FOXN4: variants seen among roughly 807,000 people sequenced by gnomAD.
FOXN4 encodes the protein forkhead box N4.
FOXN4 carries 12 observed loss-of-function variants against 45.0 expected under a neutral mutation model. The ratio of observed to expected loss-of-function variants is 0.27; its 90% CI spans 0.17 to 0.43. The LOEUF (loss-of-function observed/expected upper bound fraction) is 0.43, where lower values mean the gene tolerates loss of function less well. Ranked by LOEUF, FOXN4 falls within the 20% of genes least tolerant of loss-of-function variation. FOXN4 has a pLI of 1.00. For missense variants in FOXN4, 560 were observed against 694.9 expected, an observed-to-expected ratio of 0.81 and a Z score of 2.18; for synonymous variants, 297 against 295.0, an observed-to-expected ratio of 1.01 and a Z score of -0.07.
chr12:109,300,165 G>A (rs965526292), intron 2 of FOXN4, among the ~76,000 whole-genome samples: 1 of 152,204 alleles, frequency 6.6e-6, no homozygotes, highest in African/African-American at 2.4e-5. Flanking sequence ...TGGAGAAGTA[G>A]ACCCCGTGAA....
intron 2 of FOXN4, among the ~76,000 whole-genome samples, chr12:109,307,344 A>T (rs2047930417): frequency 6.6e-6 from 1 of 152,130 alleles, no homozygotes; most frequent in African/African-American, 2.4e-5. Flanking sequence ...GTGCCCCCTC[A>T]GCCTACAGAC....
chr12:109,288,135 C>T lies in FOXN4; in HGVS notation c.278G>A (p.Ser93Asn). ...VADLHVGATP[S>N]PLLHGPAGMA... is the part of the protein sequence containing the mutation. ...GCCTGCTGGGCCATGGAGAAGGGGA[C>T]TTGGAGTGGCTCCCACATGCAGGTC... is the stretch of plus-strand genomic sequence containing the variant. The change falls in exon 4 of 10, where the codon AGT becomes AAT. Residue 93 changes from serine (S) to asparagine (N), a missense_variant. By Grantham distance (46) the Ser-to-Asn change is conservative (BLOSUM62 1). Coordinates refer to ENST00000299162, the MANE Select transcript of FOXN4 (RefSeq NM_213596.3). The surrounding 1 kb of genome is among the most constrained non-coding windows in gnomAD (Gnocchi z 4.3). 1.3e-6 allele frequency: 2 copies of T among 1,546,398 alleles called. No homozygotes were observed. Among genetic ancestry groups the T allele is most frequent in the South Asian group, 1.2e-5 (1 of 83,492 alleles).
chr12:109,293,107 A>G (rs920571427), intron 2 of FOXN4, among the ~76,000 whole-genome samples: 1 of 151,114 alleles, frequency 6.6e-6, no homozygotes, highest in African/African-American at 2.4e-5. Context: ...CCCTGCACCC[A>G]TGCCCACCCC....
At chr12:109,299,998 G>A (rs553492712) in intron 2 of FOXN4, among the ~76,000 whole-genome samples, 1 of 152,326 alleles carries the variant, frequency 6.6e-6, no homozygotes, top group Non-Finnish European at 1.5e-5. Flanking sequence ...GTCTGCAGCT[G>A]TCTGCCTCTC....
In FOXN4 at chr12:109,286,568, C is replaced by T; in HGVS notation, c.693+80G>A. ...TAACTGGGAACCAAAGAGGGTTGGC[C>T]CAGGGCCAGCCCTGGATTCTGGCAG... is the stretch of plus-strand genomic sequence containing the variant. On this transcript the variant is annotated intron_variant, in intron 7 of 9. Transcript: ENST00000299162. The T allele has an allele frequency of 2.1e-6, 3 of 1,449,330 alleles. No individual in the cohort carries two copies. The South Asian group carries it at 3.7e-5, about 18-fold the overall frequency. 89.8% of individuals were successfully genotyped at this position (1,449,330 alleles called of 1,614,324 possible).
rs2047627155 is a variant in FOXN4, at chr12:109,278,799, A to T, written c.*872T>A. The T allele has an allele frequency of 6.6e-6, 1 of 152,168 alleles. No individual in the cohort carries two copies. The highest frequency in any genetic ancestry group is 1.5e-5 in the Non-Finnish European group (1 of 68,054). 9.4% of individuals were successfully genotyped at this position (152,168 alleles called of 1,614,324 possible). A position where few individuals can be genotyped will look rare whatever the true frequency, so the allele number is the denominator to read the frequency against. On this transcript the variant is annotated 3_prime_UTR_variant, in exon 10 of 10. Transcript: ENST00000299162. ...AAATATCTGGTCTCTAATACGGAAAAAATGGGATGTTTCACAGTATCAACA... is the reference window on the plus strand; with the variant it reads ...AAATATCTGGTCTCTAATACGGAAATAATGGGATGTTTCACAGTATCAACA...
In FOXN4 at chr12:109,304,279, GAA is replaced by G. The variant is rs1465696221; in HGVS notation, c.86+3955_86+3956del. 4.3e-4 allele frequency among the ~76,000 whole-genome samples: 27 copies of G among 63,458 alleles called. 2 individuals are homozygous for G. The highest frequency in any genetic ancestry group is 1.2e-3 in the African/African-American group (19 of 16,254). The allele number at this position is 63,458 out of a possible 152,430, so 41.6% of individuals were successfully genotyped here. The stretch of plus-strand genomic sequence containing the variant: ...AGAAAGAAAGAAAGAAAGAAAGAAA[GAA>G]AGAAAGAAAGAAAGGAGAAAGAAAG... On this transcript the variant is annotated intron_variant, in intron 2 of 9. Coordinates refer to ENST00000299162, the MANE Select transcript of FOXN4 (RefSeq NM_213596.3).
At chr12:109,294,542 TGTCCACCTCA>T (rs1417610612) in intron 2 of FOXN4, among the ~76,000 whole-genome samples, 9 of 152,250 alleles carry the variant, frequency 5.9e-5, no homozygotes, top group Admixed American at 3.3e-4. Flanking sequence ...CATGCCAGAA[TGTCCACCTCA>T]GTGCACCTGA....
Position 109,285,530 on chromosome 12 carries a change from A to G in FOXN4, c.694-19T>C, listed in dbSNP as rs751418626. The stretch of plus-strand genomic sequence containing the variant: ...GGGCCGTCTATGAAGACACATGGGC[A>G]TTCAGAGGCCTCCCTGTAAGCCCTT... On this transcript the variant is annotated intron_variant, in intron 7 of 9. Transcript: ENST00000299162. 3 of 1,613,436 alleles carry G rather than the reference A, an allele frequency of 1.9e-6. No individual in the cohort carries two copies. Among genetic ancestry groups the G allele is most frequent in the Admixed American group, 1.7e-5 (1 of 60,018 alleles).
chr12:109,308,108 A>T, intron 2 of FOXN4, 128 bp downstream of exon 2: 1 of 794,498 alleles, frequency 1.3e-6, no homozygotes, highest in Non-Finnish European at 1.9e-6. Context: ...AAGACTTTCC[A>T]GCTCTCCCGC....
intron 2 of FOXN4, among the ~76,000 whole-genome samples, chr12:109,297,617 C>T (rs957197615): frequency 1.3e-5 from 2 of 152,294 alleles, no homozygotes; most frequent in African/African-American, 2.4e-5. Context: ...GGATTACAGG[C>T]GTGAGCCACG....
intron 2 of FOXN4, among the ~76,000 whole-genome samples, chr12:109,302,727 C>CG (rs1053601538): frequency 2.0e-5 from 3 of 151,980 alleles, no homozygotes; most frequent in African/African-American, 4.8e-5. Context: ...CAAATATTGC[C>CG]GGGGGGTGGG....
At position 109,290,035 on chromosome 12, in the gene FOXN4, A is replaced by G; in HGVS notation, c.232+106T>C. The stretch of plus-strand genomic sequence containing the variant: ...CAGATGCAGAAAGAGAGGCCCAGAG[A>G]GACTGGGAGACCGGGTCATGGCTGC... On this transcript the variant is annotated intron_variant, in intron 3 of 9. Coordinates refer to ENST00000299162, the MANE Select transcript of FOXN4 (RefSeq NM_213596.3). This position sits in a 1 kb window ranked among gnomAD's most constrained non-coding sequence, Gnocchi z 5.1. The G allele has an allele frequency of 7.7e-7, 1 of 1,294,834 alleles. No individual in the cohort carries two copies. The highest frequency in any genetic ancestry group is 1.0e-6 in the Non-Finnish European group (1 of 970,618). The allele number at this position is 1,294,834 out of a possible 1,614,324, so 80.2% of individuals were successfully genotyped here.
chr12:109,304,585 C>T (rs951367361), intron 2 of FOXN4, among the ~76,000 whole-genome samples: 8 of 152,188 alleles, frequency 5.3e-5, no homozygotes, highest in Non-Finnish European at 1.0e-4. Context: ...AATTTGCTGT[C>T]TAGGCCCCGC....
chr12:109,282,983 A>G (rs1003614352), intron 8 of FOXN4, among the ~76,000 whole-genome samples: 4 of 151,834 alleles, frequency 2.6e-5, no homozygotes, highest in African/African-American at 9.7e-5. Flanking sequence ...CTGAGGGACC[A>G]TTGGCTCCTG....
intron 8 of FOXN4, among the ~76,000 whole-genome samples, chr12:109,282,825 C>T (rs1301157697): frequency 2.6e-5 from 4 of 152,058 alleles, no homozygotes; most frequent in South Asian, 4.2e-4. Flanking sequence ...TTGGGTTGTA[C>T]CCATTTGAGA....
rs756461387 is a variant in FOXN4, at chr12:109,281,497, T to C, written c.1204A>G (p.Arg402Gly). The change falls in exon 9 of 10, where the codon AGG becomes GGG. Residue 402 changes from arginine to glycine, a missense_variant. Physicochemically the swap from Arg to Gly is moderately radical, Grantham distance 125 (BLOSUM62 -2). Around this residue, in one of 5 missense-constraint regions of FOXN4, gnomAD observed 315 missense variants for 350.5 expected, o/e 0.90. Coordinates refer to ENST00000299162, the MANE Select transcript of FOXN4 (RefSeq NM_213596.3). ...ATGTTGATGAAGTCTACAGGAGCCC[T>C]TCCCATGGCGGGGTGGGGGAGCGGG... Reference protein sequence around the residue: ...PSPLPHPAMGRAPVDFINIST... With the variant: ...PSPLPHPAMGGAPVDFINIST... 9.3e-6 allele frequency: 15 copies of C among 1,613,862 alleles called. No homozygotes were observed. Among genetic ancestry groups the C allele is most frequent in the African/African-American group, 1.3e-5 (1 of 74,930 alleles).
In FOXN4 at chr12:109,288,105, G is replaced by A. The variant is rs1407214212; in HGVS notation, c.308C>T (p.Ala103Val). The A allele has an allele frequency of 5.8e-6, 9 of 1,546,954 alleles. No individual in the cohort carries two copies. The highest frequency in any genetic ancestry group is 1.4e-5 in the African/African-American group (1 of 72,930). Residue 103 changes from alanine to valine, a missense_variant, in exon 4 of 10, where the codon GCC becomes GTC. Transcript: ENST00000299162. The surrounding 1 kb of genome is among the most constrained non-coding windows in gnomAD (Gnocchi z 4.3). Reference sequence around the variant, plus strand: ...GCCCAGACCTGGCATGCCTCGGGGGGCCATGCCTGCTGGGCCATGGAGAAG... The same window carrying A: ...GCCCAGACCTGGCATGCCTCGGGGGACCATGCCTGCTGGGCCATGGAGAAG... ...SPLLHGPAGM[A>V]PRGMPGLGPI...
In FOXN4 at chr12:109,290,545, C is replaced by T. The variant is rs889942532; in HGVS notation, c.87-259G>A. On this transcript the variant is annotated intron_variant, in intron 2 of 9. Coordinates refer to ENST00000299162, the MANE Select transcript of FOXN4 (RefSeq NM_213596.3). The surrounding 1 kb of genome is among the most constrained non-coding windows in gnomAD (Gnocchi z 5.1). ...TAGCACCTACCACATAAACAATGCA[C>T]GCGAATATTTGTTGAGGACTTGACC... Among the ~76,000 whole-genome samples, 9 of 152,212 alleles carry T rather than the reference C, an allele frequency of 5.9e-5. No individual in the cohort carries two copies. The highest frequency in any genetic ancestry group is 2.1e-4 in the South Asian group (1 of 4,828).
Sources: gnomAD v4.1 joint callset for allele counts (sites outside exome capture counted in the v4.1 genomes callset) on GRCh38, gnomAD v4.1.1 for gene constraint, gnomAD v4.1.1 regional missense constraint, Gnocchi (gnomAD v3.1) non-coding constraint, MANE v1.5 for transcripts, NCBI Gene and HGNC (gene_info 2026-07-23, HGNC 2026-07-21) for gene names.